Variants in NMNAT2 observed in about 807,000 individuals in gnomAD.
The protein encoded by NMNAT2 is nicotinamide nucleotide adenylyltransferase 2.
Under a neutral mutation model 41.6 loss-of-function variants are expected in NMNAT2, and 11 were observed. The ratio of observed to expected loss-of-function variants is 0.26; its 90% confidence interval spans 0.17 to 0.44. NMNAT2 has a LOEUF of 0.44. Ranked by LOEUF, NMNAT2 falls within the 20% of genes least tolerant of loss-of-function variation. NMNAT2 has a pLI of 1.00. For synonymous variants in NMNAT2, 148 were observed against 151.2 expected, an observed-to-expected ratio of 0.98 and a Z score of 0.16; for missense variants, 288 against 407.7, an observed-to-expected ratio of 0.71 and a Z score of 2.53.
At chr1:183,283,723 GT>G (rs1661326258) in intron 7 of NMNAT2, 1 of 474,270 alleles carries the variant, frequency 2.1e-6, no homozygotes, top group Non-Finnish European at 3.9e-6. Flanking sequence ...CAACTTTCAT[GT>G]TTTTTAGAGG....
chr1:183,411,893 G>A (rs1649127309), intron 1 of NMNAT2, among the ~76,000 whole-genome samples: 1 of 152,174 alleles, frequency 6.6e-6, no homozygotes, highest in Non-Finnish European at 1.5e-5. Context: ...TGGACAATGA[G>A]GAGAAGGTTA....
intron 1 of NMNAT2, among the ~76,000 whole-genome samples, chr1:183,402,994 C>T (rs1472260366): frequency 6.7e-6 from 1 of 149,914 alleles, no homozygotes; most frequent in Admixed American, 6.7e-5. Context: ...GGTGCAAGGA[C>T]GTGATCTCGG....
At chr1:183,305,324 G>A (rs1661969611) in intron 1 of NMNAT2, among the ~76,000 whole-genome samples, 1 of 152,112 alleles carries the variant, frequency 6.6e-6, no homozygotes, top group South Asian at 2.1e-4. Context: ...GGGATAGAGT[G>A]GAAGGTGGGG....
At chr1:183,253,011 G>A (rs1660431092) in intron 10 of NMNAT2, among the ~76,000 whole-genome samples, 1 of 152,080 alleles carries the variant, frequency 6.6e-6, no homozygotes, top group South Asian at 2.1e-4. Flanking sequence ...TGTAAAATGA[G>A]GGTAATATCT....
intron 1 of NMNAT2, among the ~76,000 whole-genome samples, chr1:183,397,804 CA>C (rs1648693360): frequency 6.6e-6 from 1 of 152,120 alleles, no homozygotes; most frequent in Admixed American, 6.5e-5. Flanking sequence ...CATGTCCAGC[CA>C]AACTAAGCTT....
intron 1 of NMNAT2, among the ~76,000 whole-genome samples, chr1:183,352,686 C>G (rs1356993027): frequency 2.0e-5 from 3 of 151,984 alleles, no homozygotes; most frequent in Admixed American, 6.6e-5. Flanking sequence ...TATTGCAAGC[C>G]TGGTTATTGT....
intron 1 of NMNAT2, among the ~76,000 whole-genome samples, chr1:183,326,348 C>T (rs1489730782): frequency 7.3e-6 from 1 of 136,392 alleles, no homozygotes; most frequent in African/African-American, 2.9e-5. Flanking sequence ...TGCACTCCAG[C>T]CTGGGCAACA....
At chr1:183,287,172 T>C (rs987991820) in intron 4 of NMNAT2, among the ~76,000 whole-genome samples, 2 of 152,152 alleles carry the variant, frequency 1.3e-5, no homozygotes. Flanking sequence ...GCCTGACCCA[T>C]GGCAGGAGCT....
intron 1 of NMNAT2, among the ~76,000 whole-genome samples, chr1:183,357,969 C>T (rs543115638): frequency 2.6e-5 from 4 of 152,102 alleles, no homozygotes; most frequent in East Asian, 3.9e-4. Context: ...TGCATGCACA[C>T]GTATGTTCAT....
intron 1 of NMNAT2, among the ~76,000 whole-genome samples, chr1:183,318,253 T>A (rs1662294284): frequency 6.6e-6 from 1 of 152,168 alleles, no homozygotes; most frequent in African/African-American, 2.4e-5. Flanking sequence ...CTCCTCTCAC[T>A]TTTGTGTCAC....
intron 1 of NMNAT2, among the ~76,000 whole-genome samples, chr1:183,322,805 T>C (rs1662380508): frequency 6.6e-6 from 1 of 152,226 alleles, no homozygotes; most frequent in Admixed American, 6.5e-5. Context: ...ATACCATCTG[T>C]CTGCTGACAT....
intron 1 of NMNAT2, among the ~76,000 whole-genome samples, chr1:183,325,921 A>G (rs1662452764): frequency 6.6e-6 from 1 of 152,218 alleles, no homozygotes; most frequent in Admixed American, 6.5e-5. Context: ...TGGACCAAAC[A>G]GACATGGTCC....
At chr1:183,408,083 A>C (rs1478121815) in intron 1 of NMNAT2, among the ~76,000 whole-genome samples, 1 of 152,246 alleles carries the variant, frequency 6.6e-6, no homozygotes, top group Non-Finnish European at 1.5e-5. Flanking sequence ...GTTTAGACTG[A>C]AAATTGTTCG....
chr1:183,402,146 A>G (rs920207319), intron 1 of NMNAT2, among the ~76,000 whole-genome samples: 1 of 152,076 alleles, frequency 6.6e-6, no homozygotes, highest in Non-Finnish European at 1.5e-5. Context: ...TCTGTTTCTT[A>G]GATTATAGGC....
At chr1:183,390,710 G>T (rs956703116) in intron 1 of NMNAT2, among the ~76,000 whole-genome samples, 3 of 152,144 alleles carry the variant, frequency 2.0e-5, no homozygotes, top group Non-Finnish European at 4.4e-5. Context: ...TGTCTAAAAT[G>T]AAAGAAACAA....
intron 1 of NMNAT2, among the ~76,000 whole-genome samples, chr1:183,320,739 C>G (rs1662341684): frequency 6.6e-6 from 1 of 152,190 alleles, no homozygotes; most frequent in Non-Finnish European, 1.5e-5. Flanking sequence ...AGAAGTTGAT[C>G]TAAAGTCATC....
At chr1:183,399,707 A>G (rs1382377762) in intron 1 of NMNAT2, among the ~76,000 whole-genome samples, 2 of 152,230 alleles carry the variant, frequency 1.3e-5, no homozygotes, top group Non-Finnish European at 2.9e-5. Flanking sequence ...CAAAAAGCTT[A>G]TCCACCATGA....
intron 1 of NMNAT2, among the ~76,000 whole-genome samples, chr1:183,401,321 T>C (rs891959525): frequency 6.6e-6 from 1 of 152,234 alleles, no homozygotes; most frequent in African/African-American, 2.4e-5. Flanking sequence ...AAAATGCTCA[T>C]CATCACTGGC....
intron 1 of NMNAT2, among the ~76,000 whole-genome samples, chr1:183,345,772 C>T (rs1479360935): frequency 2.0e-5 from 3 of 151,774 alleles, no homozygotes; most frequent in Non-Finnish European, 4.4e-5. Flanking sequence ...CTGCAAGCTC[C>T]GCCTCCCGGG....
Sources: gnomAD v4.1 joint callset for allele counts (sites outside exome capture counted in the v4.1 genomes callset) on GRCh38, gnomAD v4.1.1 for gene constraint, MANE v1.5 for transcripts, NCBI Gene and HGNC (gene_info 2026-07-23, HGNC 2026-07-21) for gene names.